Variants in MEF2C observed in about 807,000 individuals in gnomAD.
MEF2C encodes myocyte-specific enhancer factor 2C.
A neutral mutation model predicts 50.5 loss-of-function variants in MEF2C; 6 were observed. That is an observed-to-expected ratio of 0.12 (90% CI 0.07 to 0.23). The LOEUF is 0.23. Among genes scored for constraint, MEF2C ranks in the 10% least tolerant of loss-of-function variants. The pLI is 1.00. For synonymous variants in MEF2C, 183 were observed against 228.0 expected, an observed-to-expected ratio of 0.80 and a Z score of 1.78; for missense variants, 276 against 605.0, an observed-to-expected ratio of 0.46 and a Z score of 5.70.
chr5:88,891,090 G>GAATAA (rs917139049), intron 1 of MEF2C, among the ~76,000 whole-genome samples: 5 of 152,156 alleles, frequency 3.3e-5, no homozygotes, highest in Non-Finnish European at 7.4e-5. Context: ...GGAGCATGGG[G>GAATAA]AATAATACTA....
rs186329906 is a variant in MEF2C, at chr5:88,855,817, T to C, written c.-143+27138A>G. Among the ~76,000 whole-genome samples the C allele has an allele frequency of 2.5e-3, 380 of 152,316 alleles. 5 individuals carry two copies. The highest frequency in any genetic ancestry group is 8.9e-3 in the African/African-American group (370 of 41,574). On this transcript the variant is annotated intron_variant, in intron 1 of 10. Coordinates refer to ENST00000504921, the MANE Select transcript of MEF2C (RefSeq NM_002397.5). ...AACTGTGAGTCAATTAAACTTCTTT[T>C]CTTTATAAATTACCCAGTCTCAGGT...
intron 2 of MEF2C, among the ~76,000 whole-genome samples, chr5:88,812,166 T>G (rs900617578): frequency 5.9e-5 from 9 of 152,160 alleles, no homozygotes; most frequent in Non-Finnish European, 1.3e-4. Context: ...CATTATTTAC[T>G]TAGGTCTAGA....
chr5:88,875,288 C>T (rs139006140), intron 1 of MEF2C, among the ~76,000 whole-genome samples: 48 of 152,014 alleles, frequency 3.2e-4, no homozygotes, highest in African/African-American at 9.6e-4. Context: ...ATTTTCTCCC[C>T]CTGTACTCTC....
chr5:88,728,962 A>C (rs573434565), intron 9 of MEF2C, among the ~76,000 whole-genome samples: 2 of 152,192 alleles, frequency 1.3e-5, no homozygotes, highest in Non-Finnish European at 2.9e-5. Context: ...TTTTTATTAC[A>C]TCAAAGAAAC....
chr5:88,788,617 G>A (rs2152945795), intron 3 of MEF2C, among the ~76,000 whole-genome samples: 1 of 152,286 alleles, frequency 6.6e-6, no homozygotes, highest in East Asian at 1.9e-4. Flanking sequence ...GGAGCCACTA[G>A]TCACATCTTG....
upstream of MEF2C, among the ~76,000 whole-genome samples, chr5:88,883,997 G>C (rs1273003233): frequency 1.3e-5 from 2 of 152,110 alleles, no homozygotes; most frequent in Non-Finnish European, 1.5e-5. Context: ...TTAGTTTTAC[G>C]GTGGGGTAAT....
chr5:88,737,457 A>C, intron 6 of MEF2C: 3 of 985,454 alleles, frequency 3.0e-6, no homozygotes, highest in Non-Finnish European at 3.6e-6. Flanking sequence ...TTCCCTAATG[A>C]AAATGAAAAG....
At chr5:88,862,337 T>C (rs767584578) in intron 1 of MEF2C, among the ~76,000 whole-genome samples, 26 of 152,156 alleles carry the variant, frequency 1.7e-4, no homozygotes, top group Non-Finnish European at 3.1e-4. Context: ...CAGAGATACA[T>C]GTGTATGTTT....
chr5:88,740,914 T>A (rs147107813), intron 6 of MEF2C: 14 of 985,438 alleles, frequency 1.4e-5, no homozygotes, highest in Non-Finnish European at 1.7e-5. Flanking sequence ...ATTCTTTCAG[T>A]CATTTTTATA....
At chr5:88,776,347 G>A (rs1580494764) in intron 3 of MEF2C, among the ~76,000 whole-genome samples, 1 of 152,020 alleles carries the variant, frequency 6.6e-6, no homozygotes, top group Non-Finnish European at 1.5e-5. Flanking sequence ...TTTTTATGGT[G>A]AGACATTTGA....
Position 88,780,208 on chromosome 5 carries a change from A to G in MEF2C, c.259-18880T>C, listed in dbSNP as rs191845989. The stretch of plus-strand genomic sequence containing the variant: ...AACTACAGTTTTCTTTAATATAAAT[A>G]AAATCTCTTGTATTTGTACAAACGC... On this transcript the variant is annotated intron_variant, in intron 3 of 10. Coordinates refer to ENST00000504921, the MANE Select transcript of MEF2C (RefSeq NM_002397.5). 2.2e-4 allele frequency among the ~76,000 whole-genome samples: 33 copies of G among 152,302 alleles called. 1 individual carries two copies. The East Asian group carries it at 4.8e-3, about 22-fold the overall frequency.
chr5:88,896,729 A>G (rs995290876), intron 1 of MEF2C, among the ~76,000 whole-genome samples: 4 of 152,238 alleles, frequency 2.6e-5, no homozygotes, highest in African/African-American at 9.6e-5. Flanking sequence ...CTACTAAAGT[A>G]AGAAACATTC....
At chr5:88,779,071 G>A (rs949419843) in intron 3 of MEF2C, among the ~76,000 whole-genome samples, 1 of 152,202 alleles carries the variant, frequency 6.6e-6, no homozygotes, top group African/African-American at 2.4e-5. Context: ...AAATAAAGTT[G>A]TATAACTTTT....
intron 2 of MEF2C, among the ~76,000 whole-genome samples, chr5:88,813,195 A>G (rs1398648425): frequency 1.3e-5 from 2 of 152,042 alleles, no homozygotes; most frequent in African/African-American, 4.8e-5. Flanking sequence ...AGTGGGCACA[A>G]ACTAGTTCTA....
At chr5:88,850,815 G>A (rs1821049490) in intron 1 of MEF2C, among the ~76,000 whole-genome samples, 1 of 151,768 alleles carries the variant, frequency 6.6e-6, no homozygotes, top group African/African-American at 2.4e-5. Flanking sequence ...AGAACTGAGA[G>A]AGTCCACTTA....
chr5:88,860,269 A>G (rs1338464739), intron 1 of MEF2C, among the ~76,000 whole-genome samples: 1 of 151,952 alleles, frequency 6.6e-6, no homozygotes, highest in Non-Finnish European at 1.5e-5. Flanking sequence ...TAAGGGGGCA[A>G]TCCTGCTACT....
chr5:88,776,428 GC>G (rs1190653169), intron 3 of MEF2C, among the ~76,000 whole-genome samples: 1 of 152,148 alleles, frequency 6.6e-6, no homozygotes, highest in Non-Finnish European at 1.5e-5. Context: ...CTGTGCAGTA[GC>G]TCTCAAAACC....
At chr5:88,728,120 A>C (rs1211426786) in intron 10 of MEF2C, among the ~76,000 whole-genome samples, 3 of 152,028 alleles carry the variant, frequency 2.0e-5, no homozygotes, top group Non-Finnish European at 4.4e-5. Flanking sequence ...ACATTAGCAT[A>C]AACCATATGG....
At chr5:88,887,912 T>A (rs935263649), upstream of MEF2C, among the ~76,000 whole-genome samples, 1 of 152,216 alleles carries the variant, frequency 6.6e-6, no homozygotes, top group Non-Finnish European at 1.5e-5. Flanking sequence ...CAAGACAAGG[T>A]TTACACATAT....
Sources: allele counts gnomAD v4.1 joint callset (sites outside exome capture counted in the v4.1 genomes callset), GRCh38; gene constraint gnomAD v4.1.1; transcripts MANE v1.5; gene names NCBI Gene and HGNC (gene_info 2026-07-23, HGNC 2026-07-21).